The following CNTNAP5 variants were observed in gnomAD, a reference collection of about 807,000 sequenced individuals.
The protein encoded by CNTNAP5 is contactin associated protein family member 5.
Under a neutral mutation model 150.2 loss-of-function variants are expected in CNTNAP5, and 72 were observed. The ratio of observed to expected loss-of-function variants is 0.48; its 90% CI spans 0.40 to 0.58. CNTNAP5 has a LOEUF of 0.58. Among genes scored for constraint, CNTNAP5 ranks in the 20% least tolerant of loss-of-function variants. The probability of loss-of-function intolerance (pLI) is 0.00; values close to 1 mark genes in which losing one functional copy is unlikely to be tolerated. For synonymous variants in CNTNAP5, 672 were observed against 619.8 expected (o/e 1.08, Z -1.25); for missense variants, 1,636 against 1,626.2 (o/e 1.01, Z -0.10).
At chr2:124,644,743 T>G (rs924803) in intron 12 of CNTNAP5, among the ~76,000 whole-genome samples, 1 of 151,962 alleles carries the variant, frequency 6.6e-6, no homozygotes, top group Non-Finnish European at 1.5e-5. Flanking sequence ...TTTATCCTGC[T>G]GTCTCCCAGG....
chr2:124,795,243 G>A (rs1681820010), intron 18 of CNTNAP5, among the ~76,000 whole-genome samples: 1 of 152,110 alleles, frequency 6.6e-6, no homozygotes, highest in Non-Finnish European at 1.5e-5. Context: ...TGTGATTGCA[G>A]GACATGTGTA....
intron 6 of CNTNAP5, among the ~76,000 whole-genome samples, chr2:124,458,293 TTATA>T (rs56360238): frequency 0.22 from 31,146 of 139,658 alleles, 3,920 homozygotes; most frequent in East Asian, 0.34. Flanking sequence ...ATGTAATATT[TTATA>T]TATATATATA....
intron 2 of CNTNAP5, 136 bp downstream of exon 2, chr2:124,221,945 G>A: frequency 1.6e-6 from 1 of 627,986 alleles, no homozygotes; most frequent in Non-Finnish European, 2.8e-6. Context: ...GAGGAGAGGA[G>A]TGAAAATCTA....
Position 124,786,304 on chromosome 2 carries a change from G to T in CNTNAP5, c.2753-3598G>T, listed in dbSNP as rs1322418482. On this transcript the variant is annotated intron_variant, in intron 17 of 23. Coordinates refer to ENST00000682447, the MANE Select transcript of CNTNAP5 (RefSeq NM_001367498.1). ...GGCAGGCAGGAAGGAAGAAAAGAAA[G>T]AGAAAGAAGAAAGAAAGGAAGAAAG... is the stretch of plus-strand genomic sequence containing the variant. Among the ~76,000 whole-genome samples the T allele has an allele frequency of 8.4e-5, 12 of 142,952 alleles. No individual in the cohort carries two copies. In the Admixed American group the frequency reaches 8.6e-4, roughly 10 times the overall value. The allele number at this position is 142,952 out of a possible 152,430, so 93.8% of individuals were successfully genotyped here.
Position 124,358,434 on chromosome 2 carries a change from G to C in CNTNAP5, c.382-59009G>C, listed in dbSNP as rs528780374. Among the ~76,000 whole-genome samples, 115 of 152,322 alleles carry C rather than the reference G, an allele frequency of 7.5e-4. 1 individual carries two copies. The highest frequency in any genetic ancestry group is 2.7e-3 in the African/African-American group (113 of 41,564). ...TTGCCCATTCAGTATGATGTTGGCT[G>C]TGGGTGTGTCATAGATAGCTCTTAT... On this transcript the variant is annotated intron_variant, in intron 3 of 23. Transcript: ENST00000682447.
intron 2 of CNTNAP5, among the ~76,000 whole-genome samples, chr2:124,236,742 A>T (rs1338976855): frequency 6.6e-6 from 1 of 152,178 alleles, no homozygotes; most frequent in Non-Finnish European, 1.5e-5. Flanking sequence ...GCCTTCTGGA[A>T]GACAGCAGAA....
chr2:124,306,638 T>C (rs542398046), intron 3 of CNTNAP5, among the ~76,000 whole-genome samples: 1 of 151,778 alleles, frequency 6.6e-6, no homozygotes, highest in Non-Finnish European at 1.5e-5. Flanking sequence ...GAGAATGCTA[T>C]GGAACAATCT....
chr2:124,176,293 TC>T (rs1293639838), intron 1 of CNTNAP5, among the ~76,000 whole-genome samples: 1 of 152,208 alleles, frequency 6.6e-6, no homozygotes, highest in African/African-American at 2.4e-5. Context: ...TGAATTAATT[TC>T]TATGGATGAA....
intron 21 of CNTNAP5, among the ~76,000 whole-genome samples, chr2:124,873,352 A>T (rs1241042055): frequency 6.6e-6 from 1 of 152,138 alleles, no homozygotes; most frequent in Non-Finnish European, 1.5e-5. Context: ...TCCTACCTCC[A>T]ACATTAGGGA....
intron 13 of CNTNAP5, among the ~76,000 whole-genome samples, chr2:124,730,322 C>T (rs577856664): frequency 6.3e-4 from 95 of 150,694 alleles, no homozygotes; most frequent in Middle Eastern, 6.9e-3. Flanking sequence ...CAGGTGTGCG[C>T]GTGTGTGTGT....
chr2:124,660,321 T>C (rs1025363226), intron 13 of CNTNAP5, among the ~76,000 whole-genome samples: 3 of 152,020 alleles, frequency 2.0e-5, no homozygotes, highest in Non-Finnish European at 4.4e-5. Context: ...TGATGCGTCA[T>C]AGGAATAGAA....
chr2:124,026,202 T>C (rs1680883251), intron 1 of CNTNAP5, among the ~76,000 whole-genome samples: 1 of 152,220 alleles, frequency 6.6e-6, no homozygotes, highest in Non-Finnish European at 1.5e-5. Flanking sequence ...CTCTGCGTTC[T>C]GCCCTAGGCA....
chr2:124,224,066 G>A (rs759064517), intron 2 of CNTNAP5, among the ~76,000 whole-genome samples: 1 of 151,974 alleles, frequency 6.6e-6, no homozygotes, highest in East Asian at 1.9e-4. Flanking sequence ...AGCTTTGCAA[G>A]GAGCATTGCC....
Position 124,417,569 on chromosome 2 carries a change from G to A in CNTNAP5, c.508G>A (p.Glu170Lys), listed in dbSNP as rs1558892601. 3.1e-6 allele frequency: 5 copies of A among 1,613,430 alleles called. No individual in the cohort carries two copies. The highest frequency in any genetic ancestry group is 2.2e-5 in the South Asian group (2 of 90,922). Residue 170 changes from glutamate (E) to lysine (K), a missense_variant, in exon 4 of 24, where the codon GAG becomes AAG. Physicochemically the swap from Glu to Lys is moderately conservative, Grantham distance 56. Transcript: ENST00000682447. ...NPSGKIGMRV[E>K]VYGCSYKSDV... The stretch of plus-strand genomic sequence containing the variant: ...CAGTGGGAAGATTGGCATGAGAGTC[G>A]AGGTCTACGGATGTTCCTATAGTAA...
At chr2:124,514,614 T>C (rs2104875700) in intron 8 of CNTNAP5, among the ~76,000 whole-genome samples, 1 of 152,228 alleles carries the variant, frequency 6.6e-6, no homozygotes, top group African/African-American at 2.4e-5. Context: ...AAAGAGGCAT[T>C]AATGAATAAT....
In CNTNAP5 at chr2:124,359,256, C is replaced by A. The variant is rs1690125715; in HGVS notation, c.382-58187C>A. On this transcript the variant is annotated intron_variant, in intron 3 of 23. Coordinates refer to ENST00000682447, the MANE Select transcript of CNTNAP5 (RefSeq NM_001367498.1). ...TTTGTTGATCCTTTCAAAAAACCAG[C>A]TCCTGGATTCATTGATTTTTTGAAG... 2.0e-5 allele frequency among the ~76,000 whole-genome samples: 3 copies of A among 151,240 alleles called. No homozygotes were observed. In the South Asian group the frequency reaches 6.2e-4, roughly 31 times the overall value.
intron 20 of CNTNAP5, among the ~76,000 whole-genome samples, chr2:124,867,274 A>G (rs1355281250): frequency 1.3e-5 from 2 of 152,220 alleles, no homozygotes; most frequent in Admixed American, 1.3e-4. Flanking sequence ...CCTTTCTCTT[A>G]TCTGACTTCT....
At chr2:124,081,148 T>G (rs1474415256) in intron 1 of CNTNAP5, among the ~76,000 whole-genome samples, 1 of 152,180 alleles carries the variant, frequency 6.6e-6, no homozygotes, top group Non-Finnish European at 1.5e-5. Flanking sequence ...AGTAAAAATT[T>G]TGTGTTACTA....
chr2:124,715,843 G>C (rs75803381), intron 13 of CNTNAP5, among the ~76,000 whole-genome samples: 6,586 of 152,200 alleles, frequency 0.043, 507 homozygotes, highest in African/African-American at 0.15. Context: ...TCTAATAGAA[G>C]ATGGATGCTT....
Sources: allele counts gnomAD v4.1 joint callset (sites outside exome capture counted in the v4.1 genomes callset), GRCh38; gene constraint gnomAD v4.1.1; transcripts MANE v1.5; gene names NCBI Gene and HGNC (gene_info 2026-07-23, HGNC 2026-07-21).